PREX2: variants seen among roughly 807,000 people sequenced by gnomAD.
The protein encoded by PREX2 is phosphatidylinositol 3,4,5-trisphosphate-dependent Rac exchanger 2 protein.
PREX2 carries 107 observed loss-of-function variants against 203.2 expected under a neutral mutation model. The observed-to-expected ratio is 0.53, with a 90% CI of 0.45 to 0.62. PREX2 has a LOEUF of 0.62. Ranked by LOEUF, PREX2 falls within the 20% of genes least tolerant of loss-of-function variation. The pLI, the probability that PREX2 is intolerant of heterozygous loss-of-function variation, is 0.00. For synonymous variants in PREX2, 672 were observed against 663.6 expected, an observed-to-expected ratio of 1.01 and a Z score of -0.19; for missense variants, 1,777 against 1,955.9, an observed-to-expected ratio of 0.91 and a Z score of 1.72.
rs1363346955 is a variant in PREX2 at position 68,192,444 on chromosome 8, T to C, written c.4523T>C (p.Val1508Ala). ...CANTACSASGVGLLSVSSELC... is the reference protein window; with the variant it reads ...CANTACSASGAGLLSVSSELC... Reference sequence around the variant, plus strand: ...AACACAGCTTGCAGTGCTTCTGGGGTTGGACTGCTGTCAGTTTCCTCGGAG... The same window carrying C: ...AACACAGCTTGCAGTGCTTCTGGGGCTGGACTGCTGTCAGTTTCCTCGGAG... The change falls in exon 37 of 40, where the codon GTT (valine) becomes GCT (alanine). Residue 1508 changes from valine to alanine, a missense_variant. Transcript: ENST00000288368. The C allele has an allele frequency of 1.9e-6, 3 of 1,613,912 alleles. No homozygotes were observed. Among genetic ancestry groups the C allele is most frequent in the Non-Finnish European group, 2.5e-6 (3 of 1,179,970 alleles).
intron 37 of PREX2, among the ~76,000 whole-genome samples, chr8:68,207,430 A>G (rs1378119055): frequency 6.6e-6 from 1 of 152,154 alleles, no homozygotes; most frequent in African/African-American, 2.4e-5. Flanking sequence ...TTTTAGGGGC[A>G]TGGATATAAT....
At chr8:68,216,014 T>TTAA (rs983851658) in intron 37 of PREX2, among the ~76,000 whole-genome samples, 1 of 152,190 alleles carries the variant, frequency 6.6e-6, no homozygotes, top group African/African-American at 2.4e-5. Context: ...TGAACATGTG[T>TTAA]TAATAATAAT....
intron 35 of PREX2, among the ~76,000 whole-genome samples, chr8:68,162,175 A>G (rs1811669504): frequency 6.6e-6 from 1 of 152,218 alleles, no homozygotes; most frequent in South Asian, 2.1e-4. Flanking sequence ...CAGCCAAACC[A>G]TATCACAGTT....
chr8:68,087,669 T>G (rs1809735803), intron 18 of PREX2, 55 bp from the exon 19 acceptor site: 8 of 1,250,742 alleles, frequency 6.4e-6, no homozygotes, highest in Admixed American at 5.0e-5. Flanking sequence ...CGACGATTAT[T>G]TCAACCAGTT....
chr8:68,152,310 A>AAAAAAAAAG, intron 34 of PREX2, among the ~76,000 whole-genome samples: 1 of 150,972 alleles, frequency 6.6e-6, no homozygotes, highest in Non-Finnish European at 1.5e-5. Context: ...AAAAAAAAAA[A>AAAAAAAAAG]GATAAATCTT....
chr8:68,022,709 G>C (rs1807605647), intron 4 of PREX2, among the ~76,000 whole-genome samples: 2 of 152,094 alleles, frequency 1.3e-5, no homozygotes, highest in African/African-American at 2.4e-5. Flanking sequence ...AGAGTGTGGA[G>C]TTGCACAGCC....
At chr8:67,978,642 C>G (rs988168090) in intron 1 of PREX2, among the ~76,000 whole-genome samples, 2 of 152,040 alleles carry the variant, frequency 1.3e-5, no homozygotes, top group African/African-American at 4.8e-5. Context: ...CAGTTGTCGA[C>G]TATTGTGGAT....
At chr8:68,217,401 A>G (rs10089475) in intron 37 of PREX2, among the ~76,000 whole-genome samples, 2 of 152,092 alleles carry the variant, frequency 1.3e-5, no homozygotes, top group Non-Finnish European at 2.9e-5. Flanking sequence ...TCATCATGGG[A>G]TTGTTTTAAA....
chr8:67,982,125 C>T (rs10090362), intron 1 of PREX2, among the ~76,000 whole-genome samples: 52,428 of 152,020 alleles, frequency 0.34, 9,465 homozygotes, highest in East Asian at 0.6. Flanking sequence ...TGTCCCAATT[C>T]CCTGATTTAG....
chr8:68,013,632 G>A (rs945685495), intron 1 of PREX2, among the ~76,000 whole-genome samples: 2 of 152,022 alleles, frequency 1.3e-5, no homozygotes, highest in African/African-American at 2.4e-5. Context: ...TGATATTATT[G>A]TTTTAAGTTA....
intron 30 of PREX2, among the ~76,000 whole-genome samples, chr8:68,123,494 G>T (rs753456309): frequency 6.6e-6 from 1 of 151,828 alleles, no homozygotes; most frequent in Non-Finnish European, 1.5e-5. Flanking sequence ...CACTAGCTGG[G>T]CTAGTAAAGA....
intron 31 of PREX2, 89 bp downstream of exon 31, chr8:68,127,508 A>C (rs1288175303): frequency 2.4e-6 from 2 of 823,856 alleles, no homozygotes; most frequent in Admixed American, 4.1e-5. Context: ...CAACGCCTTC[A>C]ACCATTTACA....
At chr8:68,090,548 T>A (rs957674922) in intron 19 of PREX2, 31 bp from the exon 20 acceptor site, 10 of 1,577,358 alleles carry the variant, frequency 6.3e-6, no homozygotes, top group Non-Finnish European at 8.7e-6. Context: ...CTGAAATTTG[T>A]TTTTGGTTAT....
At chr8:68,047,710 G>A (rs897439182) in intron 8 of PREX2, among the ~76,000 whole-genome samples, 1 of 150,970 alleles carries the variant, frequency 6.6e-6, no homozygotes, top group Non-Finnish European at 1.5e-5. Flanking sequence ...ATGGAAAATG[G>A]AATGGAAAAG....
intron 22 of PREX2, among the ~76,000 whole-genome samples, chr8:68,097,532 C>T (rs1278042482): frequency 6.6e-6 from 1 of 152,126 alleles, no homozygotes; most frequent in Non-Finnish European, 1.5e-5. Context: ...ACCATGTTGC[C>T]CAGGCTGGTC....
intron 37 of PREX2, among the ~76,000 whole-genome samples, chr8:68,207,044 C>T (rs1812638990): frequency 6.6e-6 from 1 of 152,076 alleles, no homozygotes; most frequent in Non-Finnish European, 1.5e-5. Flanking sequence ...CAAAAATGTT[C>T]TTCTGGCTTA....
chr8:67,953,415 T>C (rs1805411455), intron 1 of PREX2, among the ~76,000 whole-genome samples: 1 of 152,166 alleles, frequency 6.6e-6, no homozygotes, highest in African/African-American at 2.4e-5. Flanking sequence ...AGTTGAATTT[T>C]TCCTATTCAT....
intron 7 of PREX2, among the ~76,000 whole-genome samples, chr8:68,039,482 A>C (rs1393237849): frequency 6.6e-6 from 1 of 151,446 alleles, no homozygotes; most frequent in Admixed American, 6.6e-5. Context: ...ATATTCATAG[A>C]CTCTTCCCAG....
chr8:68,153,411 A>G (rs1811482028), intron 34 of PREX2, among the ~76,000 whole-genome samples: 1 of 152,210 alleles, frequency 6.6e-6, no homozygotes. Context: ...TTTCTCTAAC[A>G]TTCATTAGGT....
Sources: allele counts gnomAD v4.1 joint callset (sites outside exome capture counted in the v4.1 genomes callset), GRCh38; gene constraint gnomAD v4.1.1; transcripts MANE v1.5; gene names NCBI Gene and HGNC (gene_info 2026-07-23, HGNC 2026-07-21).